The following S100Z variants were observed in gnomAD, a reference collection of about 807,000 sequenced individuals.
S100Z encodes the protein S100 calcium binding protein Z, also known as protein S100-Z.
Under a neutral mutation model 8.5 loss-of-function variants are expected in S100Z, and 11 were observed. That is an observed-to-expected ratio of 1.30 (90% CI 0.82 to 2.15). S100Z has a LOEUF of 2.15. S100Z is among the 30% of genes most tolerant of loss of function. The pLI is 0.00. For synonymous variants in S100Z, 34 were observed against 43.8 expected (o/e 0.78, Z 0.89); for missense variants, 126 against 117.9 (o/e 1.07, Z -0.32).
chr5:76,895,166 G>T (rs1167445649), intron 4 of S100Z, among the ~76,000 whole-genome samples: 1 of 152,174 alleles, frequency 6.6e-6, no homozygotes, highest in East Asian at 1.9e-4. Context: ...GAAGTCAAGC[G>T]CATGTTTTCT....
At chr5:76,919,169 G>A (rs1239551965) in intron 4 of S100Z, among the ~76,000 whole-genome samples, 1 of 152,210 alleles carries the variant, frequency 6.6e-6, no homozygotes, top group Non-Finnish European at 1.5e-5. Flanking sequence ...CAGGTTTTAT[G>A]TGGATATAAG....
chr5:76,919,083 A>G (rs1744950273), intron 4 of S100Z, among the ~76,000 whole-genome samples: 1 of 152,180 alleles, frequency 6.6e-6, no homozygotes, highest in South Asian at 2.1e-4. Context: ...CATTTATCTA[A>G]TTACCCACTG....
intron 2 of S100Z, 25 bp from the exon 3 acceptor site, chr5:76,875,279 T>G (rs1194381745): frequency 4.1e-6 from 5 of 1,229,308 alleles, no homozygotes; most frequent in Non-Finnish European, 5.6e-6. Context: ...TGTTGGTGTT[T>G]CCTCATCTGT....
intron 4 of S100Z, among the ~76,000 whole-genome samples, chr5:76,887,948 A>G (rs879410324): frequency 1.3e-5 from 2 of 151,928 alleles, no homozygotes; most frequent in Non-Finnish European, 2.9e-5. Context: ...TTCAAAAGTT[A>G]TGTTGTAGGA....
the S100Z span, among the ~76,000 whole-genome samples, chr5:76,949,316 G>A: frequency 6.6e-6 from 1 of 152,150 alleles, no homozygotes; most frequent in South Asian, 2.1e-4. Context: ...GTGGACCCAG[G>A]AGGCAGAGCT....
In S100Z at chr5:76,886,601, C is replaced by T. The variant is rs145207182; in HGVS notation, c.*2+8767C>T. Among the ~76,000 whole-genome samples the T allele has an allele frequency of 9.1e-3, 1,379 of 152,178 alleles. 14 individuals carry two copies. The highest frequency in any genetic ancestry group is 0.031 in the African/African-American group (1,290 of 41,490). On this transcript the variant is annotated intron_variant, in intron 4 of 4. Transcript: ENST00000317593. ...TTTGGCACCAAATGTCTCATATGTC[C>T]GTGTGAAGAGACCACCAAACAGGCT...
At chr5:76,913,292 C>T (rs572922291) in intron 4 of S100Z, among the ~76,000 whole-genome samples, 1 of 152,342 alleles carries the variant, frequency 6.6e-6, no homozygotes, top group South Asian at 2.1e-4. Flanking sequence ...CAAGGAGGAA[C>T]TCCCTTCAGG....
intron 2 of S100Z, among the ~76,000 whole-genome samples, chr5:76,875,080 A>G (rs1743136609): frequency 1.3e-5 from 2 of 151,802 alleles, no homozygotes; most frequent in African/African-American, 4.8e-5. Context: ...TTTAGTAGAG[A>G]CGGGGTTTCA....
intron 4 of S100Z, among the ~76,000 whole-genome samples, chr5:76,912,740 G>A (rs1262802073): frequency 1.3e-5 from 2 of 152,170 alleles, no homozygotes; most frequent in Non-Finnish European, 2.9e-5. Context: ...GTCTTACACT[G>A]CCAAAGCCAT....
intron 3 of S100Z, among the ~76,000 whole-genome samples, chr5:76,877,343 T>C (rs534389431): frequency 1.3e-5 from 2 of 152,358 alleles, no homozygotes; most frequent in East Asian, 3.9e-4. Context: ...TCCCTCTTTC[T>C]ATGTCACTCG....
At chr5:76,888,365 G>GTTTTTTTT (rs1235748706) in intron 4 of S100Z, among the ~76,000 whole-genome samples, 8 of 84,018 alleles carry the variant, frequency 9.5e-5, no homozygotes, top group South Asian at 3.0e-4. Context: ...GAAAGTGCTG[G>GTTTTTTTT]TATTTTTTTT....
intron 4 of S100Z, among the ~76,000 whole-genome samples, chr5:76,901,769 G>A (rs1264262921): frequency 1.3e-5 from 2 of 152,142 alleles, no homozygotes; most frequent in East Asian, 3.9e-4. Flanking sequence ...GCTTTTCTCA[G>A]GCAGAAGGAA....
intron 4 of S100Z, among the ~76,000 whole-genome samples, chr5:76,900,441 C>G (rs1441281835): frequency 6.6e-6 from 1 of 151,960 alleles, no homozygotes; most frequent in Non-Finnish European, 1.5e-5. Context: ...TTTCTTCTGT[C>G]TCCTCTGTGT....
At chr5:76,935,904 G>A in the S100Z span, among the ~76,000 whole-genome samples, 1 of 151,904 alleles carries the variant, frequency 6.6e-6, no homozygotes, top group Non-Finnish European at 1.5e-5. Flanking sequence ...AGCCTCCCAA[G>A]TAGCTGGGAA....
the S100Z span, among the ~76,000 whole-genome samples, chr5:76,945,285 G>T: frequency 6.6e-6 from 1 of 152,168 alleles, no homozygotes; most frequent in Non-Finnish European, 1.5e-5. Flanking sequence ...GCCGGGTATT[G>T]TCCAAGGTTT....
At chr5:76,923,012 G>T (rs1289896304), downstream of S100Z, among the ~76,000 whole-genome samples, 4 of 90,908 alleles carry the variant, frequency 4.4e-5, no homozygotes, top group African/African-American at 8.3e-5. Flanking sequence ...CAATGCCTAT[G>T]TAAAAAAAAA....
chr5:76,951,130 G>C, the S100Z span, among the ~76,000 whole-genome samples: 10 of 152,094 alleles, frequency 6.6e-5, no homozygotes, highest in African/African-American at 1.9e-4. Flanking sequence ...GTGGGAATGA[G>C]GTCCATCTTG....
At chr5:76,930,063 T>C in the S100Z span, among the ~76,000 whole-genome samples, 1 of 152,212 alleles carries the variant, frequency 6.6e-6, no homozygotes, top group African/African-American at 2.4e-5. Flanking sequence ...TCCTACAACA[T>C]GGGGAGGTGT....
In S100Z at chr5:76,899,041, T is replaced by C. The variant is rs561461666; in HGVS notation, c.*2+21207T>C. On this transcript the variant is annotated intron_variant, in intron 4 of 4. Transcript: ENST00000317593. ...ACCTCCACCTCCCAGGTTCAAGTGT[T>C]TAAGTGATTCTCATGCCTCAGCTTC... Among the ~76,000 whole-genome samples, 6 of 151,420 alleles carry C rather than the reference T, an allele frequency of 4.0e-5. No homozygotes were observed. In the East Asian group the frequency reaches 1.2e-3, roughly 29 times the overall value.
Sources: gnomAD v4.1 joint callset for allele counts (sites outside exome capture counted in the v4.1 genomes callset) on GRCh38, gnomAD v4.1.1 for gene constraint, MANE v1.5 for transcripts, NCBI Gene and HGNC (gene_info 2026-07-23, HGNC 2026-07-21) for gene names.